Variants in ABI3BP observed in about 807,000 individuals in gnomAD.
The protein encoded by ABI3BP is ABI family member 3 binding protein.
In ABI3BP, 216 loss-of-function variants were observed where a neutral mutation model predicts 268.6. The ratio of observed to expected loss-of-function variants is 0.80; its 90% CI spans 0.72 to 0.90. The LOEUF (loss-of-function observed/expected upper bound fraction) is 0.90, where lower values mean the gene tolerates loss of function less well. Among genes scored for constraint, ABI3BP ranks in the 40% least tolerant of loss-of-function variants. The pLI is 0.00. For synonymous variants in ABI3BP, 730 were observed against 730.0 expected (o/e 1.00, Z 0.00); for missense variants, 2,090 against 2,182.4 (o/e 0.96, Z 0.84).
At chr3:100,792,799 TA>T (rs1560144343) in intron 54 of ABI3BP, 31 bp from the exon 55 acceptor site, 2 of 1,582,222 alleles carry the variant, frequency 1.3e-6, no homozygotes, top group Admixed American at 3.4e-5. Flanking sequence ...TTGCTTGTTT[TA>T]AATAATTAAC....
At chr3:100,989,157 T>C (rs1303257444) in intron 1 of ABI3BP, among the ~76,000 whole-genome samples, 1 of 152,156 alleles carries the variant, frequency 6.6e-6, no homozygotes, top group African/African-American at 2.4e-5. Flanking sequence ...CCTTCCACCA[T>C]GTGAGGATGC....
chr3:100,750,578 G>A lies in ABI3BP; in HGVS notation c.5278C>T (p.Gln1760Ter), dbSNP rs2095253583. The stretch of plus-strand genomic sequence containing the variant: ...GTGTGACCACCTATTTCTCCAAATT[G>A]GACAGGTTCCTGGCGAACTGCTCTG... Reference protein sequence around the residue: ...YFRAVRQEPVQFGEIGGHTQI... With the variant: ...YFRAVRQEPV Residue 1760 changes from glutamine (Q) to a stop codon, truncating the protein, a stop_gained, in exon 68 of 68, where the codon CAA (glutamine) becomes TAA (stop). Transcript: ENST00000471714. LOFTEE classifies it high-confidence loss of function. 1 of 1,612,932 alleles carries A rather than the reference G, an allele frequency of 6.2e-7. No homozygotes were observed. The highest frequency in any genetic ancestry group is 8.5e-7 in the Non-Finnish European group (1 of 1,179,366).
intron 6 of ABI3BP, among the ~76,000 whole-genome samples, chr3:100,877,292 T>TTGCTGC (rs999150322): frequency 2.0e-5 from 3 of 152,160 alleles, no homozygotes; most frequent in African/African-American, 7.2e-5. Context: ...GTGTATCCAA[T>TTGCTGC]TGCTGCTGCT....
chr3:100,848,041 C>G (rs554711916), intron 18 of ABI3BP, among the ~76,000 whole-genome samples: 1 of 152,290 alleles, frequency 6.6e-6, no homozygotes, highest in East Asian at 1.9e-4. Context: ...GGGTCTGTAT[C>G]TTCAACTCTT....
At chr3:100,854,351 T>C (rs1553994828) in intron 14 of ABI3BP, among the ~76,000 whole-genome samples, 1 of 151,886 alleles carries the variant, frequency 6.6e-6, no homozygotes, top group Non-Finnish European at 1.5e-5. Flanking sequence ...AGCAACTCCA[T>C]AACAACAACA....
intron 40 of ABI3BP, 123 bp downstream of exon 40, chr3:100,820,097 G>A (rs1044097392): frequency 1.7e-5 from 13 of 784,478 alleles, no homozygotes; most frequent in Admixed American, 1.5e-4. Flanking sequence ...GGGAGCAGTA[G>A]CACATCTTTT....
rs2095331825 is a variant in ABI3BP, at chr3:100,751,633, C to T, written c.5164G>A (p.Asp1722Asn). The part of the protein sequence containing the change: ...NIGDQRGHGE[D>N]HCQFVDSFLD... ...AATGAATCCACAAACTGGCAGTGAT[C>T]TTCTCCATGGCCCCTCTGATCACCT... Residue 1722 changes from aspartate (D) to asparagine (N), a missense_variant, in exon 67 of 68, where the codon GAT (aspartate) becomes AAT (asparagine). Physicochemically the swap from Asp to Asn is conservative, Grantham distance 23 (BLOSUM62 1). Transcript: ENST00000471714. The T allele has an allele frequency of 9.4e-6, 15 of 1,604,130 alleles. No homozygotes were observed. Among genetic ancestry groups the T allele is most frequent in the Non-Finnish European group, 1.3e-5 (15 of 1,174,752 alleles).
At position 100,910,173 on chromosome 3, in the gene ABI3BP, G is replaced by A. The variant is rs543144276; in HGVS notation, c.260-7487C>T. Among the ~76,000 whole-genome samples, 11 of 152,148 alleles carry A rather than the reference G, an allele frequency of 7.2e-5. No homozygotes were observed. The East Asian group carries it at 2.1e-3, about 29-fold the overall frequency. On this transcript the variant is annotated intron_variant, in intron 2 of 67. Transcript: ENST00000471714. ...CTAACACAGGAACAGAAAACCAAAC[G>A]CCACATGTTCTCACTCATTAGTGGG...
At chr3:100,946,597 T>C (rs977016239) in intron 1 of ABI3BP, among the ~76,000 whole-genome samples, 2 of 151,944 alleles carry the variant, frequency 1.3e-5, no homozygotes, top group African/African-American at 4.8e-5. Context: ...GAGACCAGCC[T>C]GACCAACATG....
At chr3:100,768,083 GTTTTT>G (rs11371725) in intron 62 of ABI3BP, among the ~76,000 whole-genome samples, 1 of 108,720 alleles carries the variant, frequency 9.2e-6, no homozygotes, top group Admixed American at 1.1e-4. Context: ...TTTGGCTCAA[GTTTTT>G]TTTTTTTTTT....
chr3:100,750,347 T>C lies in ABI3BP; in HGVS notation c.*148A>G. The C allele has an allele frequency of 1.8e-6, 1 of 544,996 alleles. No homozygotes were observed. The highest frequency in any genetic ancestry group is 3.2e-5 in the East Asian group (1 of 31,088). 33.8% of individuals were successfully genotyped at this position (544,996 alleles called of 1,614,324 possible). A position where few individuals can be genotyped will look rare whatever the true frequency, so the allele number is the denominator to read the frequency against. Reference sequence around the variant, plus strand: ...AACCTGATAAATACTCTCAGCAATCTTTTCTAATAATAAACATCTAGTATT... The same window carrying C: ...AACCTGATAAATACTCTCAGCAATCCTTTCTAATAATAAACATCTAGTATT... On this transcript the variant is annotated 3_prime_UTR_variant, in exon 68 of 68. Transcript: ENST00000471714.
intron 49 of ABI3BP, 135 bp from the exon 50 acceptor site, chr3:100,808,370 C>A: frequency 1.8e-6 from 1 of 564,856 alleles, no homozygotes; most frequent in East Asian, 3.2e-5. Context: ...TAAAGATCTG[C>A]AAAGTATAGG....
chr3:100,922,398 A>G (rs2060488500), intron 2 of ABI3BP, among the ~76,000 whole-genome samples: 1 of 152,194 alleles, frequency 6.6e-6, no homozygotes. Flanking sequence ...TGGAATTACA[A>G]TTGCTAATCA....
intron 9 of ABI3BP, among the ~76,000 whole-genome samples, chr3:100,874,596 C>G (rs915158998): frequency 3.3e-5 from 5 of 152,042 alleles, no homozygotes; most frequent in African/African-American, 1.2e-4. Context: ...TGAAGATTTT[C>G]ATAAACATTC....
At chr3:100,944,022 A>G (rs1459495321) in intron 1 of ABI3BP, among the ~76,000 whole-genome samples, 1 of 152,150 alleles carries the variant, frequency 6.6e-6, no homozygotes, top group Non-Finnish European at 1.5e-5. Flanking sequence ...AAGCGCAGAT[A>G]AAACCATATA....
At chr3:100,842,103 A>G (rs1394455633) in intron 20 of ABI3BP, 64 bp from the exon 21 acceptor site, 9 of 1,349,074 alleles carry the variant, frequency 6.7e-6, no homozygotes, top group Middle Eastern at 1.8e-4. Flanking sequence ...TAGAAGTGAC[A>G]TGTTCTTGAC....
chr3:100,873,909 T>C (rs1396144493), intron 9 of ABI3BP, among the ~76,000 whole-genome samples: 1 of 152,230 alleles, frequency 6.6e-6, no homozygotes, highest in East Asian at 1.9e-4. Flanking sequence ...TCTTTATCCA[T>C]ACAATGTGCT....
intron 2 of ABI3BP, among the ~76,000 whole-genome samples, chr3:100,917,696 G>C (rs2059045279): frequency 6.6e-6 from 1 of 152,092 alleles, no homozygotes; most frequent in Non-Finnish European, 1.5e-5. Flanking sequence ...TGCATTGTGG[G>C]TTACATTTGA....
intron 8 of ABI3BP, among the ~76,000 whole-genome samples, 173 bp downstream of exon 8, chr3:100,875,335 C>T (rs1034898444): frequency 1.6e-4 from 25 of 152,174 alleles, no homozygotes; most frequent in South Asian, 2.1e-4. Context: ...ATAAAGATAG[C>T]GTGGCTTGGC....
Sources: allele counts gnomAD v4.1 joint callset (sites outside exome capture counted in the v4.1 genomes callset), GRCh38; gene constraint gnomAD v4.1.1; transcripts MANE v1.5; gene names NCBI Gene and HGNC (gene_info 2026-07-23, HGNC 2026-07-21).